Variants in CAPS2 observed in about 807,000 individuals in gnomAD.
CAPS2 encodes calcyphosine 2.
Under a neutral mutation model 86.5 loss-of-function variants are expected in CAPS2, and 98 were observed. That is an observed-to-expected ratio of 1.13 (90% CI 0.96 to 1.34). The LOEUF (loss-of-function observed/expected upper bound fraction) is 1.34. Among genes scored for constraint, CAPS2 ranks in the 40% most tolerant of loss-of-function variants. CAPS2 has a pLI of 0.00. For synonymous variants in CAPS2, 210 were observed against 225.1 expected (o/e 0.93, Z 0.60); for missense variants, 729 against 686.8 (o/e 1.06, Z -0.69).
chr12:75,380,354 C>A (rs1485502691), intron 1 of CAPS2, among the ~76,000 whole-genome samples: 1 of 152,104 alleles, frequency 6.6e-6, no homozygotes, highest in African/African-American at 2.4e-5. Flanking sequence ...TAAATAAATT[C>A]CATTATCATC....
At chr12:75,303,260 T>A (rs2038037961) in intron 8 of CAPS2, among the ~76,000 whole-genome samples, 1 of 152,200 alleles carries the variant, frequency 6.6e-6, no homozygotes, top group Non-Finnish European at 1.5e-5. Context: ...CATTTCACTA[T>A]GTATATCAAA....
chr12:75,377,474 A>C (rs1428791470), intron 1 of CAPS2, among the ~76,000 whole-genome samples: 4 of 152,198 alleles, frequency 2.6e-5, no homozygotes, highest in Admixed American at 1.3e-4. Context: ...GGAAGCCCAC[A>C]ATGCAGCCAT....
intron 1 of CAPS2, among the ~76,000 whole-genome samples, chr12:75,351,550 G>GTT (rs1175807861): frequency 1.8e-3 from 232 of 131,090 alleles, no homozygotes; most frequent in African/African-American, 5.6e-3. Context: ...GTTTTGTTTT[G>GTT]TTTTTTTTTT....
At chr12:75,321,299 A>G (rs2040272771) in intron 5 of CAPS2, 101 bp downstream of exon 5, 2 of 724,908 alleles carry the variant, frequency 2.8e-6, no homozygotes, top group Non-Finnish European at 4.5e-6. Context: ...TATTATACTT[A>G]TTATGACTAA....
intron 7 of CAPS2, chr12:75,305,443 G>A: frequency 2.0e-6 from 1 of 511,730 alleles, no homozygotes; most frequent in Non-Finnish European, 3.7e-6. Flanking sequence ...AGAGGGCACA[G>A]ACCGGTTGGA....
chr12:75,341,080 C>G (rs2042071817), intron 1 of CAPS2, among the ~76,000 whole-genome samples: 1 of 151,714 alleles, frequency 6.6e-6, no homozygotes, highest in South Asian at 2.1e-4. Flanking sequence ...CTTAGACTTG[C>G]AATTGCACTT....
At chr12:75,278,407 A>G (rs1317213003) in exon 17 of CAPS2, 3 of 984,276 alleles carry the variant, frequency 3.0e-6, no homozygotes, top group Admixed American at 1.2e-4. Context: ...TGTTAAAAAC[A>G]CATTGAATTA....
chr12:75,278,822 C>A, exon 17 of CAPS2: 2 of 1,348,406 alleles, frequency 1.5e-6, no homozygotes, highest in South Asian at 4.7e-5. Flanking sequence ...AGTGTTTGAT[C>A]ATCCTTTACA....
At chr12:75,321,217 T>G (rs2040265317) in intron 5 of CAPS2, among the ~76,000 whole-genome samples, 183 bp downstream of exon 5, 1 of 152,146 alleles carries the variant, frequency 6.6e-6, no homozygotes, top group South Asian at 2.1e-4. Context: ...TTAAATTTGT[T>G]GTGAAAAACA....
At chr12:75,277,653 G>T in exon 17 of CAPS2, 2 of 984,270 alleles carry the variant, frequency 2.0e-6, no homozygotes, top group Non-Finnish European at 2.4e-6. Context: ...AATTTGTTGG[G>T]TTCACATGTA....
intron 1 of CAPS2, among the ~76,000 whole-genome samples, chr12:75,365,705 C>T (rs1441669965): frequency 1.3e-5 from 2 of 152,008 alleles, no homozygotes; most frequent in Non-Finnish European, 2.9e-5. Context: ...TAATAGTTCA[C>T]CTACAGTATT....
intron 1 of CAPS2, among the ~76,000 whole-genome samples, chr12:75,337,668 AT>A (rs2139253397): frequency 6.6e-6 from 1 of 152,086 alleles, no homozygotes; most frequent in South Asian, 2.1e-4. Context: ...CAAGATTGGA[AT>A]TTTTATTTCA....
upstream of CAPS2, chr12:75,334,719 A>G: frequency 5.0e-6 from 8 of 1,611,016 alleles, no homozygotes; most frequent in Non-Finnish European, 6.8e-6. Context: ...CGCATCCTCC[A>G]CATCCTTCCA....
chr12:75,327,327 ATAAAATGGAG>A (rs1196380340), upstream of CAPS2, among the ~76,000 whole-genome samples: 2 of 152,214 alleles, frequency 1.3e-5, no homozygotes, highest in African/African-American at 4.8e-5. Context: ...AGAACAAAGA[ATAAAATGGAG>A]TAAATGGTCC....
intron 8 of CAPS2, among the ~76,000 whole-genome samples, chr12:75,304,405 T>C (rs898169924): frequency 6.6e-6 from 1 of 152,176 alleles, no homozygotes; most frequent in Non-Finnish European, 1.5e-5. Context: ...ACAAATCTTA[T>C]AGTCAACACC....
At chr12:75,390,573 T>C (rs2045535189) in intron 1 of CAPS2, among the ~76,000 whole-genome samples, 1 of 152,200 alleles carries the variant, frequency 6.6e-6, no homozygotes, top group Admixed American at 6.5e-5. Flanking sequence ...TTCCATTCTG[T>C]CCCTGAGGAA....
At chr12:75,374,559 T>C (rs1200304066) in intron 1 of CAPS2, among the ~76,000 whole-genome samples, 1 of 152,214 alleles carries the variant, frequency 6.6e-6, no homozygotes, top group African/African-American at 2.4e-5. Context: ...GAGTCCAGTG[T>C]CTTTGCTTTT....
At chr12:75,385,714 A>G (rs1343019778) in intron 1 of CAPS2, among the ~76,000 whole-genome samples, 1 of 152,240 alleles carries the variant, frequency 6.6e-6, no homozygotes, top group Non-Finnish European at 1.5e-5. Flanking sequence ...AAGAATCAAC[A>G]AACTCCTGAA....
chr12:75,381,657 C>T (rs111336316), intron 1 of CAPS2, among the ~76,000 whole-genome samples: 3,493 of 143,496 alleles, frequency 0.024, 156 homozygotes, highest in African/African-American at 0.087. Flanking sequence ...GCTCTGTCAC[C>T]AGGCTGGAGT....
Sources: gnomAD v4.1 joint callset for allele counts (sites outside exome capture counted in the v4.1 genomes callset) on GRCh38, gnomAD v4.1.1 for gene constraint, MANE v1.5 for transcripts, NCBI Gene and HGNC (gene_info 2026-07-23, HGNC 2026-07-21) for gene names.